CPPED1: variants seen among roughly 807,000 people sequenced by gnomAD.
The protein encoded by CPPED1 is serine/threonine-protein phosphatase CPPED1.
Under a neutral mutation model 28.0 loss-of-function variants are expected in CPPED1, and 28 were observed. That is an observed-to-expected ratio of 1.00 (90% CI 0.74 to 1.37). The LOEUF (loss-of-function observed/expected upper bound fraction) is 1.37. Among genes scored for constraint, CPPED1 ranks in the 40% most tolerant of loss-of-function variants. The probability of loss-of-function intolerance (pLI) is 0.00; values close to 1 mark genes in which losing one functional copy is unlikely to be tolerated. For synonymous variants in CPPED1, 198 were observed against 180.2 expected, an observed-to-expected ratio of 1.10 and a Z score of -0.79; for missense variants, 504 against 416.5, an observed-to-expected ratio of 1.21 and a Z score of -1.83.
intron 2 of CPPED1, among the ~76,000 whole-genome samples, chr16:12,744,966 C>A (rs2080277879): frequency 6.6e-6 from 1 of 152,032 alleles, no homozygotes; most frequent in African/African-American, 2.4e-5. Flanking sequence ...CAGCCTTGGG[C>A]AATAGAGCCA....
At chr16:12,745,341 A>C (rs1287246660) in intron 2 of CPPED1, among the ~76,000 whole-genome samples, 1 of 152,198 alleles carries the variant, frequency 6.6e-6, no homozygotes, top group Non-Finnish European at 1.5e-5. Flanking sequence ...GAGGAATATA[A>C]AGCATTCTAC....
intron 1 of CPPED1, among the ~76,000 whole-genome samples, chr16:12,783,152 T>A (rs1342258432): frequency 2.0e-5 from 3 of 152,116 alleles, no homozygotes. Flanking sequence ...AAGCAGGGAA[T>A]AGAATCAGAG....
chr16:12,664,779 C>G lies in CPPED1; in HGVS notation c.*107G>C, dbSNP rs1482402130. 2.0e-6 allele frequency: 3 copies of G among 1,529,744 alleles called. No homozygotes were observed. The highest frequency in any genetic ancestry group is 1.7e-6 in the Non-Finnish European group (2 of 1,147,376). 94.8% of individuals were successfully genotyped at this position (1,529,744 alleles called of 1,614,324 possible). ...TGCAAAAGGACATAAATTCACAAAC[C>G]TGCCTGGGCTATTTTTATATTTCAG... is the stretch of plus-strand genomic sequence containing the variant. On this transcript the variant is annotated 3_prime_UTR_variant, in exon 4 of 4. Transcript: ENST00000381774. This position sits in a 1 kb window ranked among gnomAD's most constrained non-coding sequence, Gnocchi z 4.2.
At chr16:12,766,256 T>TATATATATATATATATAGAGAGAG in intron 2 of CPPED1, among the ~76,000 whole-genome samples, 1 of 134,292 alleles carries the variant, frequency 7.4e-6, no homozygotes, top group African/African-American at 3.5e-5. Flanking sequence ...TATATATATA[T>TATATATATATATATATAGAGAGAG]AGAGAGAGAG....
intron 2 of CPPED1, among the ~76,000 whole-genome samples, chr16:12,736,490 C>T (rs1027708115): frequency 3.3e-5 from 5 of 152,218 alleles, no homozygotes; most frequent in African/African-American, 9.6e-5. Context: ...CTACCTGCCT[C>T]GGCCTCCCAA....
At chr16:12,736,370 G>C (rs2080226934) in intron 2 of CPPED1, among the ~76,000 whole-genome samples, 1 of 151,780 alleles carries the variant, frequency 6.6e-6, no homozygotes, top group African/African-American at 2.4e-5. Context: ...CTCCCGGGTA[G>C]CTAAGATTAC....
intron 2 of CPPED1, among the ~76,000 whole-genome samples, chr16:12,731,939 G>C (rs781399237): frequency 3.9e-5 from 6 of 151,904 alleles, no homozygotes; most frequent in Non-Finnish European, 8.8e-5. Context: ...AAGGTGGGTG[G>C]ATCACCTGAG....
intron 2 of CPPED1, among the ~76,000 whole-genome samples, chr16:12,761,497 A>T (rs1336362801): frequency 6.6e-6 from 1 of 152,272 alleles, no homozygotes; most frequent in African/African-American, 2.4e-5. Context: ...TACTATGACG[A>T]GTACTATTAT....
At chr16:12,746,819 G>C (rs952703435) in intron 2 of CPPED1, among the ~76,000 whole-genome samples, 1 of 152,102 alleles carries the variant, frequency 6.6e-6, no homozygotes, top group Admixed American at 6.6e-5. Context: ...GGGTGATATC[G>C]CTTGCAGGTG....
intron 2 of CPPED1, among the ~76,000 whole-genome samples, chr16:12,739,581 C>A (rs769166820): frequency 1.0e-4 from 15 of 148,496 alleles, no homozygotes; most frequent in Non-Finnish European, 1.8e-4. Flanking sequence ...AACTCCATTT[C>A]AAAAAAAAAA....
At chr16:12,776,173 T>TCAGCAGAGGGTGGAG (rs2080496654) in intron 2 of CPPED1, among the ~76,000 whole-genome samples, 1 of 151,514 alleles carries the variant, frequency 6.6e-6, no homozygotes, top group Non-Finnish European at 1.5e-5. Flanking sequence ...GGAGCAGAGG[T>TCAGCAGAGGGTGGAG]CAGACGGGAG....
chr16:12,707,043 CG>C (rs1207543927), intron 2 of CPPED1, among the ~76,000 whole-genome samples: 2 of 152,164 alleles, frequency 1.3e-5, no homozygotes, highest in Non-Finnish European at 2.9e-5. Flanking sequence ...TAGCCGAACC[CG>C]GACTGCAGGC....
chr16:12,721,527 C>A (rs759093063), intron 2 of CPPED1, among the ~76,000 whole-genome samples: 1 of 151,994 alleles, frequency 6.6e-6, no homozygotes, highest in Non-Finnish European at 1.5e-5. Context: ...CTGAGGCAGG[C>A]GCATCTCCTG....
chr16:12,682,990 T>C lies in CPPED1; in HGVS notation c.716-17875A>G, dbSNP rs2079913669. Among the ~76,000 whole-genome samples the C allele has an allele frequency of 6.6e-6, 1 of 152,214 alleles. No individual in the cohort carries two copies. Among genetic ancestry groups the C allele is most frequent in the African/African-American group, 2.4e-5 (1 of 41,460 alleles). ...ACTGACAGAATGTTCGTGTATCAAATTGGAAATCCATCCAAAAATACTCGA... is the reference window on the plus strand; with the variant it reads ...ACTGACAGAATGTTCGTGTATCAAACTGGAAATCCATCCAAAAATACTCGA... On this transcript the variant is annotated intron_variant, in intron 3 of 3. Coordinates refer to ENST00000381774, the MANE Select transcript of CPPED1 (RefSeq NM_018340.3). This position sits in a 1 kb window ranked among gnomAD's most constrained non-coding sequence, Gnocchi z 6.1.
intron 3 of CPPED1, among the ~76,000 whole-genome samples, chr16:12,695,599 G>A (rs1048698387): frequency 6.6e-6 from 1 of 152,106 alleles, no homozygotes; most frequent in African/African-American, 2.4e-5. Context: ...TTCAGCCAAA[G>A]GTTTCTCTGT....
At position 12,683,840 on chromosome 16, in the gene CPPED1, G is replaced by A. The variant is rs533280570; in HGVS notation, c.716-18725C>T. Among the ~76,000 whole-genome samples the A allele has an allele frequency of 5.3e-5, 8 of 152,284 alleles. No individual in the cohort carries two copies. In the East Asian group the frequency reaches 9.6e-4, roughly 18 times the overall value. On this transcript the variant is annotated intron_variant, in intron 3 of 3. Coordinates refer to ENST00000381774, the MANE Select transcript of CPPED1 (RefSeq NM_018340.3). ...TGCTTAACTATGATTTATCTACCCC[G>A]TAAAAAGAGGAGGTGAGCAGTCCAG...
chr16:12,681,203 C>T (rs2079903223), intron 3 of CPPED1, among the ~76,000 whole-genome samples: 1 of 151,108 alleles, frequency 6.6e-6, no homozygotes, highest in African/African-American at 2.4e-5. Context: ...AACTTAATCC[C>T]CAGGGTAACA....
At position 12,734,171 on chromosome 16, in the gene CPPED1, G is replaced by T. The variant is rs564644333; in HGVS notation, c.290-29122C>A. Among the ~76,000 whole-genome samples, 404 of 137,566 alleles carry T rather than the reference G, an allele frequency of 2.9e-3. 2 individuals carry two copies. The highest frequency in any genetic ancestry group is 6.3e-3 in the South Asian group (26 of 4,156). 90.2% of individuals were successfully genotyped at this position (137,566 alleles called of 152,430 possible). A position where few individuals can be genotyped will look rare whatever the true frequency, so the allele number is the denominator to read the frequency against. ...TGCAACCTCTGCTTCCCGGGTTCAA[G>T]CGATTCTCCTGCCTCCGCCTTCCAA... On this transcript the variant is annotated intron_variant, in intron 2 of 3. Transcript: ENST00000381774.
At position 12,664,606 on chromosome 16, in the gene CPPED1, C is replaced by T. The variant is rs964593748; in HGVS notation, c.*280G>A. On this transcript the variant is annotated 3_prime_UTR_variant, in exon 4 of 4. Coordinates refer to ENST00000381774, the MANE Select transcript of CPPED1 (RefSeq NM_018340.3). The surrounding 1 kb of genome is among the most constrained non-coding windows in gnomAD (Gnocchi z 4.2). ...CCAATTCAAAAGTGGAGTTGAGAAA[C>T]ACAGCATTAGGAGAATTTATTCAAA... is the stretch of plus-strand genomic sequence containing the variant. The T allele has an allele frequency of 8.2e-7, 1 of 1,223,852 alleles. No homozygotes were observed. Among genetic ancestry groups the T allele is most frequent in the African/African-American group, 1.6e-5 (1 of 62,308 alleles). 75.8% of individuals were successfully genotyped at this position (1,223,852 alleles called of 1,614,324 possible).
Sources: gnomAD v4.1 joint callset for allele counts (sites outside exome capture counted in the v4.1 genomes callset) on GRCh38, gnomAD v4.1.1 for gene constraint, Gnocchi (gnomAD v3.1) non-coding constraint, MANE v1.5 for transcripts, NCBI Gene and HGNC (gene_info 2026-07-23, HGNC 2026-07-21) for gene names.